Variants in VSTM1 observed in about 807,000 individuals in gnomAD.
The protein encoded by VSTM1 is V-set and transmembrane domain containing 1, also known as V-set and transmembrane domain-containing protein 1.
Under a neutral mutation model 33.1 loss-of-function variants are expected in VSTM1, and 27 were observed. That is an observed-to-expected ratio of 0.82 (90% CI 0.60 to 1.12). The LOEUF is 1.12. VSTM1 is among the 50% of genes most tolerant of loss of function. The probability of loss-of-function intolerance (pLI) is 0.00; values close to 1 mark genes in which losing one functional copy is unlikely to be tolerated. For synonymous variants in VSTM1, 115 were observed against 110.3 expected, an observed-to-expected ratio of 1.04 and a Z score of -0.27; for missense variants, 304 against 288.9, an observed-to-expected ratio of 1.05 and a Z score of -0.38.
chr19:54,044,928 C>T (rs571119200), intron 4 of VSTM1, among the ~76,000 whole-genome samples: 19 of 151,836 alleles, frequency 1.3e-4, no homozygotes, highest in South Asian at 2.1e-4. Context: ...GTAGCAGAAA[C>T]GTGATTAAGG....
intron 3 of VSTM1, chr19:54,055,695 C>T (rs1407528404): frequency 7.0e-6 from 1 of 142,800 alleles, no homozygotes; most frequent in African/African-American, 2.6e-5. Context: ...AGAGCAATTA[C>T]AATACATTCG....
At chr19:54,049,295 C>T (rs2146077232) in intron 4 of VSTM1, among the ~76,000 whole-genome samples, 1 of 152,120 alleles carries the variant, frequency 6.6e-6, no homozygotes, top group Middle Eastern at 3.4e-3. Flanking sequence ...CCAGAATAGA[C>T]AAAATCATAG....
chr19:54,059,580 C>A (rs527620493), intron 1 of VSTM1, among the ~76,000 whole-genome samples: 1 of 151,610 alleles, frequency 6.6e-6, no homozygotes, highest in Non-Finnish European at 1.5e-5. Context: ...AAGTGATACT[C>A]GTACCTCAGG....
rs759527057 is a variant in VSTM1, at chr19:54,040,926, T to G, written c.*35A>C. The G allele has an allele frequency of 6.2e-7, 1 of 1,602,790 alleles. No homozygotes were observed. Among genetic ancestry groups the G allele is most frequent in the South Asian group, 1.1e-5 (1 of 90,012 alleles). On this transcript the variant is annotated 3_prime_UTR_variant, in exon 9 of 9. Transcript: ENST00000338372. ...TTTCCGATAACCTTGGCCAGCACGA[T>G]CCCCCCTCCTTTAGTGGCCAGGGCT...
At chr19:54,042,806 GTATATATATATATATATATA>G (rs1203522841) in intron 4 of VSTM1, among the ~76,000 whole-genome samples, 7 of 57,938 alleles carry the variant, frequency 1.2e-4, no homozygotes, top group Non-Finnish European at 2.2e-4. Flanking sequence ...ATATAAATGT[GTATATATATATATATATATA>G]TATATATATA....
At chr19:54,062,102 GA>G (rs2071421291) in intron 1 of VSTM1, among the ~76,000 whole-genome samples, 1 of 151,402 alleles carries the variant, frequency 6.6e-6, no homozygotes, top group South Asian at 2.1e-4. Context: ...GTTGCAGTGA[GA>G]AAGATCATGC....
chr19:54,063,827 A>C lies in VSTM1; in HGVS notation c.-50T>G. On this transcript the variant is annotated 5_prime_UTR_variant, in exon 1 of 9. Coordinates refer to ENST00000338372, the MANE Select transcript of VSTM1 (RefSeq NM_198481.4). ...GCCCCGCCTTGGGTTTTACCCTTCA[A>C]AGGCGGAGCGGGACTGGGCCGGCCG... The C allele has an allele frequency of 6.2e-7, 1 of 1,608,930 alleles. No individual in the cohort carries two copies. The highest frequency in any genetic ancestry group is 8.5e-7 in the Non-Finnish European group (1 of 1,176,766).
At chr19:54,059,851 T>A (rs1243271112) in intron 1 of VSTM1, among the ~76,000 whole-genome samples, 2 of 146,890 alleles carry the variant, frequency 1.4e-5, no homozygotes, top group South Asian at 2.2e-4. Flanking sequence ...GGTTTTTTTT[T>A]TTTTTTTATT....
chr19:54,052,981 CAAAAAAAAAA>C, intron 3 of VSTM1: 1 of 49,538 alleles, frequency 2.0e-5, no homozygotes, highest in South Asian at 6.3e-4. Flanking sequence ...GACCCTGTCT[CAAAAAAAAAA>C]AAAAAAAAAA....
At chr19:54,052,375 G>C (rs912247115) in intron 3 of VSTM1, among the ~76,000 whole-genome samples, 1 of 140,050 alleles carries the variant, frequency 7.1e-6, no homozygotes, top group African/African-American at 2.7e-5. Flanking sequence ...TCCAGCCTGA[G>C]GGACAGAGCC....
Position 54,063,852 on chromosome 19 carries a change from G to C in VSTM1, c.-75C>G, listed in dbSNP as rs570416769. On this transcript the variant is annotated 5_prime_UTR_variant, in exon 1 of 9. Coordinates refer to ENST00000338372, the MANE Select transcript of VSTM1 (RefSeq NM_198481.4). Reference sequence around the variant, plus strand: ...AAGGCGGAGCGGGACTGGGCCGGCCGCAGCTCTCCGGCTGCCCGGTTCGTC... The same window carrying C: ...AAGGCGGAGCGGGACTGGGCCGGCCCCAGCTCTCCGGCTGCCCGGTTCGTC... The C allele has an allele frequency of 1.3e-6, 2 of 1,540,724 alleles. No homozygotes were observed. Among genetic ancestry groups the C allele is most frequent in the South Asian group, 1.2e-5 (1 of 85,342 alleles).
rs2071197699 is a variant in VSTM1, at chr19:54,058,203, G to T, written c.355+103C>A. 14 of 1,271,648 alleles carry T rather than the reference G, an allele frequency of 1.1e-5. 1 individual carries two copies. The highest frequency in any genetic ancestry group is 1.5e-5 in the Non-Finnish European group (14 of 924,644). The allele number at this position is 1,271,648 out of a possible 1,614,324, so 78.8% of individuals were successfully genotyped here. A position where few individuals can be genotyped will look rare whatever the true frequency, so the allele number is the denominator to read the frequency against. On this transcript the variant is annotated intron_variant, in intron 3 of 8. Coordinates refer to ENST00000338372, the MANE Select transcript of VSTM1 (RefSeq NM_198481.4). Reference sequence around the variant, plus strand: ...TGCAGTGAGCCGAGATCGTGCCACTGCACTCCAGCCTGGGAGACACAGCAA... The same window carrying T: ...TGCAGTGAGCCGAGATCGTGCCACTTCACTCCAGCCTGGGAGACACAGCAA...
intron 3 of VSTM1, among the ~76,000 whole-genome samples, chr19:54,051,668 CA>C (rs2070846860): frequency 6.6e-6 from 1 of 152,130 alleles, no homozygotes; most frequent in Non-Finnish European, 1.5e-5. Context: ...TTTTTAATAA[CA>C]AAAATATTTA....
At chr19:54,041,156 T>C in intron 8 of VSTM1, 76 bp from the exon 9 acceptor site, 1 of 1,390,918 alleles carries the variant, frequency 7.2e-7, no homozygotes, top group African/African-American at 1.5e-5. Context: ...CTATTGACAT[T>C]TAAGTTAATT....
chr19:54,048,412 G>A (rs565783624), intron 4 of VSTM1: 55 of 337,614 alleles, frequency 1.6e-4, no homozygotes, highest in African/African-American at 1.1e-3. Context: ...CACTGCGCCC[G>A]GCAAAGATAT....
In VSTM1 at chr19:54,053,672, T is replaced by C. The variant is rs1182130237; in HGVS notation, c.356-2224A>G. Reference sequence around the variant, plus strand: ...TGTTGACACCTTGATTGCATCCTTATGAGACCCAAAGCAGAGGACTCAGCT... The same window carrying C: ...TGTTGACACCTTGATTGCATCCTTACGAGACCCAAAGCAGAGGACTCAGCT... On this transcript the variant is annotated intron_variant, in intron 3 of 8. Coordinates refer to ENST00000338372, the MANE Select transcript of VSTM1 (RefSeq NM_198481.4). 2.1e-5 allele frequency among the ~76,000 whole-genome samples: 3 copies of C among 141,654 alleles called. 1 individual carries two copies. Among genetic ancestry groups the C allele is most frequent in the Non-Finnish European group, 4.7e-5 (3 of 64,322 alleles). The allele number at this position is 141,654 out of a possible 152,430, so 92.9% of individuals were successfully genotyped here.
Position 54,042,188 on chromosome 19 carries a change from A to T in VSTM1, c.496T>A (p.Ser166Thr), listed in dbSNP as rs779530358. ...IYRCSQHSSS[S>T]EESTKRTSHS... ...ATCTACCTCTTGGTGGATTCCTCAG[A>T]TGATGAACCTACAAAAAATGCAGGA... is the stretch of plus-strand genomic sequence containing the variant. The change falls in exon 6 of 9, where the codon TCT becomes ACT. Residue 166 changes from serine to threonine, a missense_variant. Coordinates refer to ENST00000338372, the MANE Select transcript of VSTM1 (RefSeq NM_198481.4). 1.2e-6 allele frequency: 2 copies of T among 1,613,926 alleles called. No individual in the cohort carries two copies.
intron 4 of VSTM1, among the ~76,000 whole-genome samples, chr19:54,042,743 T>G (rs561831600): frequency 7.7e-6 from 1 of 129,674 alleles, no homozygotes. Flanking sequence ...TATATATATA[T>G]ACGTGTGTGT....
chr19:54,045,400 A>G (rs1343729877), intron 4 of VSTM1, among the ~76,000 whole-genome samples: 1 of 151,762 alleles, frequency 6.6e-6, no homozygotes, highest in African/African-American at 2.4e-5. Context: ...GTAATTAACT[A>G]TCTGTCTGTC....
Sources: allele counts gnomAD v4.1 joint callset (sites outside exome capture counted in the v4.1 genomes callset), GRCh38; gene constraint gnomAD v4.1.1; transcripts MANE v1.5; gene names NCBI Gene and HGNC (gene_info 2026-07-23, HGNC 2026-07-21).